The following RAB27A variants were observed in gnomAD, a reference collection of about 807,000 sequenced individuals.
The protein encoded by RAB27A is RAB27A, member RAS oncogene family.
RAB27A carries 17 observed loss-of-function variants against 20.8 expected under a neutral mutation model. The ratio of observed to expected loss-of-function variants is 0.82; its 90% CI spans 0.56 to 1.23. The LOEUF (loss-of-function observed/expected upper bound fraction) is 1.23, where lower values mean the gene tolerates loss of function less well. RAB27A is among the 50% of genes most tolerant of loss of function. The probability of loss-of-function intolerance (pLI) is 0.00; values close to 1 mark genes in which losing one functional copy is unlikely to be tolerated. For missense variants in RAB27A, 277 were observed against 266.7 expected, an observed-to-expected ratio of 1.04 and a Z score of -0.27; for synonymous variants, 85 against 92.8, an observed-to-expected ratio of 0.92 and a Z score of 0.48.
rs575935590 is a variant in RAB27A, at chr15:55,251,370, G to A, written c.-22-16414C>T. Among the ~76,000 whole-genome samples, 53 of 152,242 alleles carry A rather than the reference G, an allele frequency of 3.5e-4. No individual in the cohort carries two copies. In the South Asian group the frequency reaches 9.1e-3, roughly 26 times the overall value. On this transcript the variant is annotated intron_variant, in intron 2 of 6. Coordinates refer to ENST00000336787, the MANE Select transcript of RAB27A (RefSeq NM_183235.3). The stretch of plus-strand genomic sequence containing the variant: ...GAAAGGGTCCTGGAAATGAGTCCTG[G>A]AAAAATCGAGGCCAAACTGCCCAAA...
In RAB27A at chr15:55,205,284, C is replaced by G. The variant is rs372116045; in HGVS notation, c.*223G>C. On this transcript the variant is annotated 3_prime_UTR_variant, in exon 7 of 7. Transcript: ENST00000336787. ...CTAAGGTTGTATAAGGCACTTTTGG[C>G]TCTGAAATATTTCTCCTAACTCTCA... is the stretch of plus-strand genomic sequence containing the variant. 3.4e-6 allele frequency: 2 copies of G among 593,354 alleles called. No individual in the cohort carries two copies. Among genetic ancestry groups the G allele is most frequent in the East Asian group, 2.9e-5 (1 of 34,332 alleles). 36.8% of individuals were successfully genotyped at this position (593,354 alleles called of 1,614,324 possible). A position where few individuals can be genotyped will look rare whatever the true frequency, so the allele number is the denominator to read the frequency against.
Position 55,223,889 on chromosome 15 carries a change from C to G in RAB27A, c.467G>C (p.Gly156Ala), listed in dbSNP as rs200031368. ...EEAIALAEKY[G>A]IPYFETSAAN... Reference sequence around the variant, plus strand: ...TAGACTTCTCCACAAAAATACTCACCCATATTTCTCTGCGAGTGCTATGGC... The same window carrying G: ...TAGACTTCTCCACAAAAATACTCACGCATATTTCTCTGCGAGTGCTATGGC... The change falls in exon 6 of 7, where the codon GGA (glycine) becomes GCA (alanine). Residue 156 changes from glycine (G) to alanine (A), a missense_variant and splice_region_variant. By Grantham distance (60) the Gly-to-Ala change is moderately conservative. Coordinates refer to ENST00000336787, the MANE Select transcript of RAB27A (RefSeq NM_183235.3). 94 of 1,613,274 alleles carry G rather than the reference C, an allele frequency of 5.8e-5. No homozygotes were observed. Among genetic ancestry groups the G allele is most frequent in the Non-Finnish European group, 7.9e-5 (93 of 1,179,784 alleles).
intron 2 of RAB27A, among the ~76,000 whole-genome samples, chr15:55,263,145 T>C (rs1897336671): frequency 6.6e-6 from 1 of 152,194 alleles, no homozygotes; most frequent in South Asian, 2.1e-4. Flanking sequence ...TTCTGCTCTT[T>C]TCTCATACTT....
intron 6 of RAB27A, among the ~76,000 whole-genome samples, chr15:55,210,094 G>T (rs1452126054): frequency 7.0e-6 from 1 of 143,498 alleles, no homozygotes; most frequent in South Asian, 2.2e-4. Context: ...ACACATATAT[G>T]TGTGTATATA....
At chr15:55,258,744 T>C (rs1397201802) in intron 2 of RAB27A, among the ~76,000 whole-genome samples, 2 of 152,228 alleles carry the variant, frequency 1.3e-5, no homozygotes, top group African/African-American at 4.8e-5. Flanking sequence ...TGCTAATGAG[T>C]GTGAGCATCT....
In RAB27A at chr15:55,243,356, C is replaced by T. The variant is rs114143242; in HGVS notation, c.-22-8400G>A. On this transcript the variant is annotated intron_variant, in intron 2 of 6. Transcript: ENST00000336787. ...TTCTCTCAAATAAGTATTTTCCTCT[C>T]GAATAAGATTATTTTAGGCCAGGTG... 9.8e-3 allele frequency among the ~76,000 whole-genome samples: 1,489 copies of T among 152,172 alleles called. 33 individuals carry two copies. The highest frequency in any genetic ancestry group is 0.034 in the African/African-American group (1,426 of 41,506).
intron 2 of RAB27A, among the ~76,000 whole-genome samples, chr15:55,304,224 C>G (rs1055278946): frequency 6.7e-6 from 1 of 150,280 alleles, no homozygotes; most frequent in African/African-American, 2.5e-5. Flanking sequence ...GGATTAAGGG[C>G]GGTGCAAGAT....
intron 2 of RAB27A, among the ~76,000 whole-genome samples, chr15:55,245,852 G>A (rs990392094): frequency 6.6e-6 from 1 of 152,180 alleles, no homozygotes; most frequent in African/African-American, 2.4e-5. Flanking sequence ...GCTCATGCCA[G>A]TAACTCCAGC....
chr15:55,209,784 A>ATG lies in RAB27A; in HGVS notation c.468-4080_468-4079insCA, dbSNP rs1894837920. ...TGTGTACATATACATATATACACAC[A>ATG]TATGTGTGTATGTATACATATATAC... On this transcript the variant is annotated intron_variant, in intron 6 of 6. Transcript: ENST00000336787. 1.1e-4 allele frequency among the ~76,000 whole-genome samples: 14 copies of ATG among 125,430 alleles called. 3 individuals carry two copies. Among genetic ancestry groups the ATG allele is most frequent in the African/African-American group, 5.5e-4 (13 of 23,848 alleles). 82.3% of individuals were successfully genotyped at this position (125,430 alleles called of 152,430 possible). A position where few individuals can be genotyped will look rare whatever the true frequency, so the allele number is the denominator to read the frequency against.
chr15:55,233,597 C>T (rs574895481), intron 3 of RAB27A, among the ~76,000 whole-genome samples: 1 of 152,112 alleles, frequency 6.6e-6, no homozygotes, highest in Admixed American at 6.5e-5. Flanking sequence ...TATATTATTC[C>T]ATTTATATGG....
intron 2 of RAB27A, among the ~76,000 whole-genome samples, chr15:55,301,279 GA>G (rs2054970365): frequency 6.6e-6 from 1 of 152,112 alleles, no homozygotes; most frequent in African/African-American, 2.4e-5. Context: ...TTTTGGTAGA[GA>G]CAGGTTCAAC....
intron 2 of RAB27A, among the ~76,000 whole-genome samples, chr15:55,247,980 C>T (rs1428962013): frequency 2.0e-5 from 3 of 149,248 alleles, no homozygotes; most frequent in African/African-American, 7.5e-5. Context: ...GTGGCCCAGG[C>T]GTGAGTGCAG....
intron 2 of RAB27A, among the ~76,000 whole-genome samples, chr15:55,235,757 G>A (rs1420339695): frequency 6.6e-6 from 1 of 151,840 alleles, no homozygotes; most frequent in Non-Finnish European, 1.5e-5. Flanking sequence ...TCAATGAGTA[G>A]ATAAAGAAAT....
chr15:55,292,044 A>AAAGAT (rs2141139281), upstream of RAB27A, among the ~76,000 whole-genome samples: 1 of 152,326 alleles, frequency 6.6e-6, no homozygotes, highest in African/African-American at 2.4e-5. Flanking sequence ...CCTGGAAGCA[A>AAAGAT]AAGATAGCAT....
chr15:55,308,781 T>G (rs1162391549), intron 2 of RAB27A, among the ~76,000 whole-genome samples: 2 of 152,248 alleles, frequency 1.3e-5, no homozygotes, highest in African/African-American at 4.8e-5. Flanking sequence ...AAGTCTCCTT[T>G]AGCAGTCAGT....
chr15:55,237,115 A>G (rs531701296), intron 2 of RAB27A, among the ~76,000 whole-genome samples: 1 of 152,338 alleles, frequency 6.6e-6, no homozygotes, highest in South Asian at 2.1e-4. Context: ...TACACATGCC[A>G]GATGTCCTAC....
intron 2 of RAB27A, among the ~76,000 whole-genome samples, chr15:55,295,397 G>A (rs757147442): frequency 2.6e-5 from 4 of 152,124 alleles, no homozygotes; most frequent in Non-Finnish European, 5.9e-5. Flanking sequence ...TTTAATACTT[G>A]TACATAAGTG....
chr15:55,210,412 G>GTTT (rs572160899), intron 6 of RAB27A, among the ~76,000 whole-genome samples: 23,922 of 127,578 alleles, frequency 0.19, 2,502 homozygotes, highest in African/African-American at 0.25. Flanking sequence ...TTTAGGTGTG[G>GTTT]TTTTTTTTTT....
At chr15:55,235,355 G>A (rs1896212310) in intron 2 of RAB27A, among the ~76,000 whole-genome samples, 1 of 152,062 alleles carries the variant, frequency 6.6e-6, no homozygotes, top group African/African-American at 2.4e-5. Context: ...GGCTGAGGCA[G>A]GAGAATCACT....
Sources: gnomAD v4.1 joint callset for allele counts (sites outside exome capture counted in the v4.1 genomes callset) on GRCh38, gnomAD v4.1.1 for gene constraint, MANE v1.5 for transcripts, NCBI Gene and HGNC (gene_info 2026-07-23, HGNC 2026-07-21) for gene names.